Variants in MPZL1 observed in about 807,000 individuals in gnomAD.
The protein encoded by MPZL1 is myelin protein zero like 1, also known as myelin protein zero-like protein 1.
MPZL1 carries 16 observed loss-of-function variants against 29.3 expected under a neutral mutation model. The observed-to-expected ratio is 0.55, with a 90% CI of 0.37 to 0.83. The LOEUF is 0.83. Among genes scored for constraint, MPZL1 ranks in the 40% least tolerant of loss-of-function variants. The pLI is 0.00. For synonymous variants in MPZL1, 143 were observed against 132.0 expected, an observed-to-expected ratio of 1.08 and a Z score of -0.57; for missense variants, 279 against 332.9, an observed-to-expected ratio of 0.84 and a Z score of 1.26.
At chr1:167,779,638 G>A (rs1362877352) in intron 5 of MPZL1, among the ~76,000 whole-genome samples, 2 of 152,020 alleles carry the variant, frequency 1.3e-5, no homozygotes, top group African/African-American at 2.4e-5. Context: ...ATTTTATGAG[G>A]CTATAACATG....
At chr1:167,768,832 C>T (rs1328917118) in intron 2 of MPZL1, among the ~76,000 whole-genome samples, 6 of 152,184 alleles carry the variant, frequency 3.9e-5, no homozygotes, top group African/African-American at 1.4e-4. Flanking sequence ...GTAGCTCATC[C>T]CCGCTGGTTC....
At chr1:167,753,692 C>A (rs1395725052) in intron 1 of MPZL1, among the ~76,000 whole-genome samples, 2 of 151,638 alleles carry the variant, frequency 1.3e-5, no homozygotes, top group African/African-American at 4.9e-5. Context: ...TGCAGCGGTG[C>A]GATCTCGGCT....
intron 1 of MPZL1, among the ~76,000 whole-genome samples, chr1:167,726,133 C>G (rs1660141272): frequency 6.6e-6 from 1 of 152,148 alleles, no homozygotes; most frequent in Non-Finnish European, 1.5e-5. Context: ...ACCCCTTTCT[C>G]ACTATATTCA....
intron 1 of MPZL1, among the ~76,000 whole-genome samples, chr1:167,742,995 G>A (rs1660567154): frequency 6.6e-6 from 1 of 151,964 alleles, no homozygotes; most frequent in Non-Finnish European, 1.5e-5. Context: ...TGGTCTATGT[G>A]CCTATTTTTA....
chr1:167,764,074 G>A (rs945070713), intron 1 of MPZL1, among the ~76,000 whole-genome samples: 2 of 152,120 alleles, frequency 1.3e-5, no homozygotes, highest in East Asian at 1.9e-4. Flanking sequence ...TATTCTGCCC[G>A]TCTGTTACAT....
chr1:167,757,039 A>C (rs1250695921), intron 1 of MPZL1, among the ~76,000 whole-genome samples: 2 of 152,178 alleles, frequency 1.3e-5, no homozygotes, highest in African/African-American at 2.4e-5. Context: ...TTAGTTTATT[A>C]ATACTTAGGG....
intron 1 of MPZL1, among the ~76,000 whole-genome samples, chr1:167,753,998 GTTTA>G (rs756674816): frequency 6.6e-6 from 1 of 151,530 alleles, no homozygotes; most frequent in East Asian, 2.0e-4. Context: ...AGCAGCTGGA[GTTTA>G]TTTATTTATT....
chr1:167,760,686 T>C (rs948420617), intron 1 of MPZL1, among the ~76,000 whole-genome samples: 1 of 151,706 alleles, frequency 6.6e-6, no homozygotes, highest in Non-Finnish European at 1.5e-5. Flanking sequence ...GAATCAGGAG[T>C]TTAATTTGGA....
chr1:167,779,833 C>T lies in MPZL1; in HGVS notation c.708+3667C>T, dbSNP rs142249411. ...AAATAAAAGAGATAGATACAGCTAACAAGCTCTATCTCCGAATGGCAATAC... is the reference window on the plus strand; with the variant it reads ...AAATAAAAGAGATAGATACAGCTAATAAGCTCTATCTCCGAATGGCAATAC... On this transcript the variant is annotated intron_variant, in intron 5 of 5. Transcript: ENST00000359523. 3.4e-3 allele frequency among the ~76,000 whole-genome samples: 513 copies of T among 152,248 alleles called. 1 individual carries two copies. The highest frequency in any genetic ancestry group is 0.011 in the African/African-American group (473 of 41,556).
Position 167,722,076 on chromosome 1 carries a change from C to G in MPZL1, c.-76C>G. 8.1e-7 allele frequency: 1 copy of G among 1,230,840 alleles called. No homozygotes were observed. The highest frequency in any genetic ancestry group is 1.0e-6 in the Non-Finnish European group (1 of 987,068). 76.2% of individuals were successfully genotyped at this position (1,230,840 alleles called of 1,614,324 possible). A position where few individuals can be genotyped will look rare whatever the true frequency, so the allele number is the denominator to read the frequency against. On this transcript the variant is annotated 5_prime_UTR_variant, in exon 1 of 6. Coordinates refer to ENST00000359523, the MANE Select transcript of MPZL1 (RefSeq NM_003953.6). ...GGCGGAGAGATCAGAAGCCTCTTCC[C>G]CAAGCCGAGCCAACCTCAGCGGGGA...
At position 167,763,804 on chromosome 1, in the gene MPZL1, C is replaced by T. The variant is rs538879083; in HGVS notation, c.92-1779C>T. ...GAAATGCTTGTTTTGAGGTTTGGAC[C>T]GCAAATAATAATCTATTGTTCCCTG... is the stretch of plus-strand genomic sequence containing the variant. On this transcript the variant is annotated intron_variant, in intron 1 of 5. Coordinates refer to ENST00000359523, the MANE Select transcript of MPZL1 (RefSeq NM_003953.6). 4.6e-5 allele frequency among the ~76,000 whole-genome samples: 7 copies of T among 152,122 alleles called. 1 individual carries two copies. Among genetic ancestry groups the T allele is most frequent in the Admixed American group, 1.3e-4 (2 of 15,292 alleles).
chr1:167,754,302 C>G (rs1441378152), intron 1 of MPZL1, among the ~76,000 whole-genome samples: 2 of 152,196 alleles, frequency 1.3e-5, no homozygotes, highest in Non-Finnish European at 2.9e-5. Context: ...CCTGGCACAG[C>G]TGCATTTTAG....
chr1:167,779,370 A>C (rs1025769155), intron 5 of MPZL1, among the ~76,000 whole-genome samples: 3 of 152,038 alleles, frequency 2.0e-5, no homozygotes, highest in Admixed American at 6.5e-5. Context: ...GGATCACCTG[A>C]GGTCAGGAGT....
intron 1 of MPZL1, among the ~76,000 whole-genome samples, chr1:167,724,833 G>A (rs1660108418): frequency 6.6e-6 from 1 of 152,202 alleles, no homozygotes; most frequent in African/African-American, 2.4e-5. Flanking sequence ...AGCTTGGATT[G>A]TTTGGATGAG....
intron 1 of MPZL1, among the ~76,000 whole-genome samples, chr1:167,739,314 T>TATATATATATATATATATATATATATAG (rs1660466387): frequency 7.4e-6 from 1 of 135,056 alleles, no homozygotes; most frequent in African/African-American, 3.0e-5. Context: ...TATATACACA[T>TATATATATATATATATATATATATATAG]ATATATATTT....
rs572350785 is a variant in MPZL1 at position 167,750,262 on chromosome 1, G to A, written c.92-15321G>A. ...GTTGCCCAGGCTGGAGTGCAATGCC[G>A]CGATCTCAGCTCATTGCAACCTCCG... On this transcript the variant is annotated intron_variant, in intron 1 of 5. Transcript: ENST00000359523. 9.9e-5 allele frequency among the ~76,000 whole-genome samples: 15 copies of A among 151,796 alleles called. No individual in the cohort carries two copies. The South Asian group carries it at 1.2e-3, about 13-fold the overall frequency.
intron 1 of MPZL1, among the ~76,000 whole-genome samples, chr1:167,761,678 AT>A (rs1660990929): frequency 6.6e-6 from 1 of 152,200 alleles, no homozygotes; most frequent in South Asian, 2.1e-4. Context: ...ATGTGGGTGG[AT>A]TGCTAGACAG....
rs764194252 is a variant in MPZL1 at position 167,776,176 on chromosome 1, G to A, written c.708+10G>A. The A allele has an allele frequency of 2.4e-5, 38 of 1,600,052 alleles. No individual in the cohort carries two copies. The highest frequency in any genetic ancestry group is 3.0e-5 in the Non-Finnish European group (35 of 1,168,414). ...TTCTGGATCTCACCAGGTAATGGCT[G>A]ATTGCGATTCTGCCCACTGCACTGT... On this transcript the variant is annotated intron_variant, in intron 5 of 5. Transcript: ENST00000359523.
intron 1 of MPZL1, among the ~76,000 whole-genome samples, chr1:167,732,375 C>T (rs1286316195): frequency 6.6e-6 from 1 of 152,152 alleles, no homozygotes; most frequent in African/African-American, 2.4e-5. Context: ...GCCTGGACAA[C>T]AGAGGGAGAC....
Sources: allele counts gnomAD v4.1 joint callset (sites outside exome capture counted in the v4.1 genomes callset), GRCh38; gene constraint gnomAD v4.1.1; transcripts MANE v1.5; gene names NCBI Gene and HGNC (gene_info 2026-07-23, HGNC 2026-07-21).